RPS6KC1: variants seen among roughly 807,000 people sequenced by gnomAD.
RPS6KC1 encodes the protein ribosomal protein S6 kinase C1, also known as inactive ribosomal protein S6 kinase delta-1.
RPS6KC1 carries 54 observed loss-of-function variants against 103.8 expected under a neutral mutation model. The observed-to-expected ratio is 0.52, with a 90% confidence interval of 0.42 to 0.65. The LOEUF (loss-of-function observed/expected upper bound fraction) is 0.65. RPS6KC1 is among the 30% of genes least tolerant of loss of function. The probability of loss-of-function intolerance (pLI) is 0.00; values close to 1 mark genes in which losing one functional copy is unlikely to be tolerated. For missense variants in RPS6KC1, 1,151 were observed against 1,253.8 expected (o/e 0.92, Z 1.24); for synonymous variants, 439 against 438.7 (o/e 1.00, Z -0.01).
the RPS6KC1 span, among the ~76,000 whole-genome samples, chr1:213,539,181 A>T: frequency 6.6e-6 from 1 of 152,146 alleles, no homozygotes; most frequent in Non-Finnish European, 1.5e-5. Context: ...TCTCATCTCA[A>T]CTCTTGATAT....
chr1:213,272,716 T>C lies in RPS6KC1; in HGVS notation c.*82T>C. 1 of 981,740 alleles carries C rather than the reference T, an allele frequency of 1.0e-6. No homozygotes were observed. Among genetic ancestry groups the C allele is most frequent in the Non-Finnish European group, 1.6e-6 (1 of 618,376 alleles). 60.8% of individuals were successfully genotyped at this position (981,740 alleles called of 1,614,324 possible). ...GCACTGAGGCACCTCTGACTCACAG[T>C]TACTTATGGAGCACCAAAGCATTTG... On this transcript the variant is annotated 3_prime_UTR_variant, in exon 15 of 15. Coordinates refer to ENST00000366960, the MANE Select transcript of RPS6KC1 (RefSeq NM_012424.6).
At chr1:213,365,270 A>C in the RPS6KC1 span, among the ~76,000 whole-genome samples, 1 of 152,240 alleles carries the variant, frequency 6.6e-6, no homozygotes, top group Non-Finnish European at 1.5e-5. Context: ...GTTACCAAGG[A>C]AACTAGTTTA....
the RPS6KC1 span, among the ~76,000 whole-genome samples, chr1:213,455,219 C>A: frequency 3.3e-5 from 5 of 152,220 alleles, no homozygotes; most frequent in Admixed American, 2.0e-4. Context: ...TGTTTCCCTG[C>A]AAGGAGGTGG....
At chr1:213,153,121 C>G (rs1003811774) in intron 6 of RPS6KC1, among the ~76,000 whole-genome samples, 6 of 152,294 alleles carry the variant, frequency 3.9e-5, no homozygotes, top group African/African-American at 1.4e-4. Context: ...CGCAGGCACT[C>G]GGCAGGCTGA....
At chr1:213,499,742 A>G in the RPS6KC1 span, among the ~76,000 whole-genome samples, 1 of 152,020 alleles carries the variant, frequency 6.6e-6, no homozygotes, top group African/African-American at 2.4e-5. Context: ...CTACACACCT[A>G]GGCTATGTGC....
chr1:213,317,622 A>T, the RPS6KC1 span, among the ~76,000 whole-genome samples: 1 of 152,208 alleles, frequency 6.6e-6, no homozygotes, highest in Non-Finnish European at 1.5e-5. Context: ...GGACAAAAAC[A>T]TTCAGCCTAT....
At chr1:213,628,543 T>G in the RPS6KC1 span, among the ~76,000 whole-genome samples, 1 of 152,314 alleles carries the variant, frequency 6.6e-6, no homozygotes, top group African/African-American at 2.4e-5. Context: ...TAGTTACATA[T>G]GTATACATGT....
chr1:213,477,600 A>G, the RPS6KC1 span, among the ~76,000 whole-genome samples: 1 of 152,134 alleles, frequency 6.6e-6, no homozygotes, highest in African/African-American at 2.4e-5. Flanking sequence ...GTTTTTCTTT[A>G]AAACATTTTA....
chr1:213,836,998 A>G, the RPS6KC1 span, among the ~76,000 whole-genome samples: 1 of 152,168 alleles, frequency 6.6e-6, no homozygotes, highest in Non-Finnish European at 1.5e-5. Flanking sequence ...GAACAATTAA[A>G]TCTCAACTGG....
chr1:213,828,389 G>GT, the RPS6KC1 span, among the ~76,000 whole-genome samples: 84 of 152,146 alleles, frequency 5.5e-4, no homozygotes, highest in Non-Finnish European at 1.0e-3. Flanking sequence ...CTGAAAACAA[G>GT]TTTTTTTAAA....
At chr1:213,140,803 A>G (rs933709764) in intron 6 of RPS6KC1, among the ~76,000 whole-genome samples, 14 of 148,674 alleles carry the variant, frequency 9.4e-5, no homozygotes, top group Non-Finnish European at 1.8e-4. Context: ...ATGTTTTGGT[A>G]TCAGAATTAT....
chr1:213,722,137 A>T, the RPS6KC1 span, among the ~76,000 whole-genome samples: 3 of 152,116 alleles, frequency 2.0e-5, no homozygotes, highest in Non-Finnish European at 4.4e-5. Flanking sequence ...AGGCAGCTCC[A>T]TAGTGGTACC....
intron 1 of RPS6KC1, among the ~76,000 whole-genome samples, chr1:213,054,736 A>G (rs1419128323): frequency 1.3e-5 from 2 of 152,210 alleles, no homozygotes; most frequent in Non-Finnish European, 1.5e-5. Context: ...TGGCAAGGTT[A>G]GATGATTTTG....
intron 6 of RPS6KC1, among the ~76,000 whole-genome samples, chr1:213,157,389 A>AGT (rs2090013099): frequency 6.6e-6 from 1 of 151,874 alleles, no homozygotes; most frequent in African/African-American, 2.4e-5. Context: ...TTATGTTTTT[A>AGT]GTAGAGACGG....
the RPS6KC1 span, among the ~76,000 whole-genome samples, chr1:213,508,751 G>A: frequency 6.6e-6 from 1 of 152,180 alleles, no homozygotes; most frequent in African/African-American, 2.4e-5. Context: ...CACCACCAGG[G>A]TTTTCATGTT....
intron 1 of RPS6KC1, among the ~76,000 whole-genome samples, chr1:213,052,381 A>G (rs368107179): frequency 8.5e-5 from 13 of 152,206 alleles, no homozygotes; most frequent in African/African-American, 3.1e-4. Flanking sequence ...TTACATTGCA[A>G]GGCAGTAGCA....
rs12239171 is a variant in RPS6KC1 at position 213,068,292 on chromosome 1, T to C, written c.106-2714T>C. 1.8e-3 allele frequency among the ~76,000 whole-genome samples: 272 copies of C among 152,014 alleles called. 1 individual carries two copies. Among genetic ancestry groups the C allele is most frequent in the African/African-American group, 6.2e-3 (259 of 41,500 alleles). ...CGAGGTCAAGAGATTGAGACCATCC[T>C]GGCCAACATGGTGAAACCTTGTCTC... On this transcript the variant is annotated intron_variant, in intron 1 of 14. Transcript: ENST00000366960.
chr1:213,534,117 T>C, the RPS6KC1 span, among the ~76,000 whole-genome samples: 1 of 152,116 alleles, frequency 6.6e-6, no homozygotes, highest in African/African-American at 2.4e-5. Context: ...CTGCCTGGAG[T>C]ATTGTCTTGG....
At chr1:213,713,479 G>C in the RPS6KC1 span, among the ~76,000 whole-genome samples, 2 of 152,040 alleles carry the variant, frequency 1.3e-5, no homozygotes, top group South Asian at 2.1e-4. Context: ...ATTGTTCATT[G>C]CTTATCAACA....
Sources: allele counts gnomAD v4.1 joint callset (sites outside exome capture counted in the v4.1 genomes callset), GRCh38; gene constraint gnomAD v4.1.1; transcripts MANE v1.5; gene names NCBI Gene and HGNC (gene_info 2026-07-23, HGNC 2026-07-21).